Variants in FAAP100 observed in about 807,000 individuals in gnomAD.
The protein encoded by FAAP100 is Fanconi anemia core complex-associated protein 100.
FAAP100 carries 46 observed loss-of-function variants against 65.8 expected under a neutral mutation model. The ratio of observed to expected loss-of-function variants is 0.70; its 90% CI spans 0.55 to 0.89. The LOEUF (loss-of-function observed/expected upper bound fraction) is 0.89. Ranked by LOEUF, FAAP100 falls within the 40% of genes least tolerant of loss-of-function variation. FAAP100 has a pLI of 0.00. For synonymous variants in FAAP100, 663 were observed against 555.1 expected, an observed-to-expected ratio of 1.19 and a Z score of -2.73; for missense variants, 1,165 against 1,196.7, an observed-to-expected ratio of 0.97 and a Z score of 0.39.
intron 4 of FAAP100, among the ~76,000 whole-genome samples, chr17:81,548,843 T>C (rs1156858189): frequency 2.0e-5 from 3 of 151,140 alleles, no homozygotes; most frequent in Non-Finnish European, 4.4e-5. Context: ...ATCAAGACCA[T>C]CTTGGCTAAC....
In FAAP100 at chr17:81,552,148, CCGCGGGCCGG is replaced by C. The variant is rs1030732479; in HGVS notation, c.165+8_165+17del. Reference sequence around the variant, plus strand: ...CGCCCCCGCCCGGTCCCTCCCGCCCCCGCGGGCCGGCGCTCACGGTCAGCAGCCCGCCCTC... The same window carrying C: ...CGCCCCCGCCCGGTCCCTCCCGCCCCCGCTCACGGTCAGCAGCCCGCCCTC... On this transcript the variant is annotated splice_region_variant and intron_variant, in intron 1 of 8. Coordinates refer to ENST00000327787, the MANE Select transcript of FAAP100 (RefSeq NM_025161.6). The C allele has an allele frequency of 6.7e-7, 1 of 1,488,798 alleles. No homozygotes were observed. Among genetic ancestry groups the C allele is most frequent in the African/African-American group, 1.5e-5 (1 of 68,392 alleles). 92.2% of individuals were successfully genotyped at this position (1,488,798 alleles called of 1,614,324 possible). A position where few individuals can be genotyped will look rare whatever the true frequency, so the allele number is the denominator to read the frequency against.
At chr17:81,550,123 A>G (rs2033436365) in intron 3 of FAAP100, 125 bp downstream of exon 3, 2 of 949,434 alleles carry the variant, frequency 2.1e-6, no homozygotes, top group African/African-American at 1.6e-5. Context: ...ACTAGGCTGT[A>G]TCAGCACCCG....
chr17:81,550,879 G>A lies in FAAP100; in HGVS notation c.615C>T (p.Ser205=). The change falls in exon 3 of 9, where the codon TCC becomes TCT. Residue 205 remains serine, a synonymous_variant. Coordinates refer to ENST00000327787, the MANE Select transcript of FAAP100 (RefSeq NM_025161.6). Reference sequence around the variant, plus strand: ...CCCCGAGGAGGTCGTGCGGGACCCTGGAGCCTGATGGTGACACAGAGCACA... The same window carrying A: ...CCCCGAGGAGGTCGTGCGGGACCCTAGAGCCTGATGGTGACACAGAGCACA... ...PVLCSVSPSG[S]RVPHDLLGGS... 1 of 1,612,484 alleles carries A rather than the reference G, an allele frequency of 6.2e-7. No individual in the cohort carries two copies. Among genetic ancestry groups the A allele is most frequent in the South Asian group, 1.1e-5 (1 of 91,028 alleles).
intron 3 of FAAP100, among the ~76,000 whole-genome samples, chr17:81,550,034 C>T (rs973335447): frequency 3.3e-5 from 5 of 152,206 alleles, no homozygotes; most frequent in Admixed American, 2.0e-4. Context: ...CCCAGGGCCA[C>T]ACCCTAGACC....
At chr17:81,552,477 C>G (rs1568102314), upstream of FAAP100, 1 of 722,762 alleles carries the variant, frequency 1.4e-6, no homozygotes. Context: ...GGACGCGCTG[C>G]AGGGACTCCG....
At position 81,540,091 on chromosome 17, in the gene FAAP100, C is replaced by A; in HGVS notation, c.*728G>T. On this transcript the variant is annotated 3_prime_UTR_variant, in exon 9 of 9. Coordinates refer to ENST00000327787, the MANE Select transcript of FAAP100 (RefSeq NM_025161.6). ...CTCAGGGCCCCCCCCCGGGCCACAG[C>A]GCCACCCTGAGTGGCCCTGAAAATA... 2.5e-6 allele frequency: 1 copy of A among 398,508 alleles called. No homozygotes were observed. Among genetic ancestry groups the A allele is most frequent in the Non-Finnish European group, 4.4e-6 (1 of 225,902 alleles). 24.7% of individuals were successfully genotyped at this position (398,508 alleles called of 1,614,324 possible).
chr17:81,547,630 T>C lies in FAAP100; in HGVS notation c.1452A>G (p.Thr484=), dbSNP rs756756477. The C allele has an allele frequency of 3.1e-6, 5 of 1,612,610 alleles. No individual in the cohort carries two copies. The highest frequency in any genetic ancestry group is 1.3e-5 in the African/African-American group (1 of 74,930). ...KAVDQRNKAL[T]SLNEAMNVSC... ...TCACGTTCATGGCCTCGTTGAGGCT[T>C]GTCAGTGCCTTGTTCCGCTGGTCAA... Residue 484 remains threonine, a synonymous_variant, in exon 5 of 9, where the codon ACA becomes ACG. Coordinates refer to ENST00000327787, the MANE Select transcript of FAAP100 (RefSeq NM_025161.6).
At position 81,545,824 on chromosome 17, in the gene FAAP100, G is replaced by A. The variant is rs528938931; in HGVS notation, c.2232C>T (p.Asp744=). 21 of 1,611,646 alleles carry A rather than the reference G, an allele frequency of 1.3e-5. No individual in the cohort carries two copies. The highest frequency in any genetic ancestry group is 6.7e-5 in the East Asian group (3 of 44,874). ...QWLLAENAAV[D]VVRARALSSI... ...AAGATAGTGCTCGGGCCCTCACGAC[G>A]TCCACAGCAGCATTCTCAGCAAGGA... The change falls in exon 6 of 9, where the codon GAC becomes GAT. Residue 744 remains aspartate, a synonymous_variant. Transcript: ENST00000327787.
intron 4 of FAAP100, chr17:81,548,366 T>C (rs935087911): frequency 2.0e-5 from 5 of 253,384 alleles, no homozygotes; most frequent in Non-Finnish European, 3.1e-5. Flanking sequence ...TGGGGGGCAG[T>C]CCCGGCTTAT....
At chr17:81,546,023 C>T in intron 5 of FAAP100, 141 bp from the exon 6 acceptor site, 1 of 1,182,638 alleles carries the variant, frequency 8.5e-7, no homozygotes. Context: ...CCCAGCCCCA[C>T]CCTAAGCTGC....
Position 81,547,656 on chromosome 17 carries a change from C to G in FAAP100, c.1426G>C (p.Val476Leu), listed in dbSNP as rs778911242. The change falls in exon 5 of 9, where the codon GTT (valine) becomes CTT (leucine). Residue 476 changes from valine (V) to leucine (L), a missense_variant. Physicochemically the swap from Val to Leu is conservative, Grantham distance 32. Transcript: ENST00000327787. ...GTCAGTGCCTTGTTCCGCTGGTCAA[C>G]CGCCTTCTTTAGAAAAGACACTCTG... ...SERVSFLKKA[V>L]DQRNKALTSL... 6.2e-7 allele frequency: 1 copy of G among 1,610,718 alleles called. No individual in the cohort carries two copies. Among genetic ancestry groups the G allele is most frequent in the Admixed American group, 1.7e-5 (1 of 59,980 alleles).
At position 81,547,581 on chromosome 17, in the gene FAAP100, T is replaced by G. The variant is rs768673558; in HGVS notation, c.1501A>C (p.Thr501Pro). 5.6e-6 allele frequency: 9 copies of G among 1,613,394 alleles called. No homozygotes were observed. The highest frequency in any genetic ancestry group is 6.8e-6 in the Non-Finnish European group (8 of 1,180,028). Residue 501 changes from threonine (T) to proline (P), a missense_variant, in exon 5 of 9, where the codon ACG (threonine) becomes CCG (proline). Thr to Pro is a conservative substitution (Grantham distance 38). Transcript: ENST00000327787. ...GTGCAGGAGATGGGTCTGGGGCCCG[T>G]GCCGCTTGACAGCAGTGCACAGCTC... ...NVSCALLSSG[T>P]GPRPISCTTS...
At chr17:81,545,448 G>A (rs2033264506) in intron 6 of FAAP100, among the ~76,000 whole-genome samples, 1 of 152,236 alleles carries the variant, frequency 6.6e-6, no homozygotes, top group Non-Finnish European at 1.5e-5. Context: ...GGGTAGAGGT[G>A]TTGGTGGCAG....
rs2033087123 is a variant in FAAP100 at position 81,541,349 on chromosome 17, A to C, written c.2474T>G (p.Leu825Arg). The C allele has an allele frequency of 6.2e-7, 1 of 1,611,762 alleles. No homozygotes were observed. Among genetic ancestry groups the C allele is most frequent in the South Asian group, 1.1e-5 (1 of 90,848 alleles). ...GATCTGGCGGAGGTACTGCACACGG[A>C]GATCAGGAGCGCTGGAGCCCTGGGT... ...QATQGSSAPD[L>R]RVQYLRQIHA... is the part of the protein sequence containing the mutation. Residue 825 changes from leucine to arginine, a missense_variant, in exon 8 of 9, where the codon CTC becomes CGC. Transcript: ENST00000327787.
chr17:81,552,169 C>G lies in FAAP100; in HGVS notation c.162G>C (p.Leu54=). 1 of 1,495,180 alleles carries G rather than the reference C, an allele frequency of 6.7e-7. No individual in the cohort carries two copies. Among genetic ancestry groups the G allele is most frequent in the Non-Finnish European group, 8.9e-7 (1 of 1,129,466 alleles). 92.6% of individuals were successfully genotyped at this position (1,495,180 alleles called of 1,614,324 possible). A position where few individuals can be genotyped will look rare whatever the true frequency, so the allele number is the denominator to read the frequency against. ...VYVYDQEGGL[L]TAAFRFPDQV... ...GCCCCCGCGGGCCGGCGCTCACGGTCAGCAGCCCGCCCTCCTGGTCGTACA... is the reference window on the plus strand; with the variant it reads ...GCCCCCGCGGGCCGGCGCTCACGGTGAGCAGCCCGCCCTCCTGGTCGTACA... The change falls in exon 1 of 9, where the codon CTG becomes CTC. Residue 54 remains leucine (L), a synonymous_variant. Transcript: ENST00000327787.
Position 81,547,212 on chromosome 17 carries a change from G to A in FAAP100, c.1870C>T (p.Leu624=). Residue 624 remains leucine, a synonymous_variant, in exon 5 of 9, where the codon CTG becomes TTG. Transcript: ENST00000327787. ...LAPSDSEDPF[L]DECPSDVLPE... ...AGGACGTCGGAGGGGCACTCATCCAGAAAGGGGTCCTCAGAGTCTGAGGGG... is the reference window on the plus strand; with the variant it reads ...AGGACGTCGGAGGGGCACTCATCCAAAAAGGGGTCCTCAGAGTCTGAGGGG... The A allele has an allele frequency of 1.3e-6, 2 of 1,568,788 alleles. No homozygotes were observed. The highest frequency in any genetic ancestry group is 1.2e-5 in the South Asian group (1 of 83,896).
rs1884928859 is a variant in FAAP100, at chr17:81,552,180, C to T, written c.151G>A (p.Gly51Ser). The change falls in exon 1 of 9, where the codon GGC becomes AGC. Residue 51 changes from glycine to serine, a missense_variant. By Grantham distance (56) the Gly-to-Ser change is moderately conservative. Coordinates refer to ENST00000327787, the MANE Select transcript of FAAP100 (RefSeq NM_025161.6). ...SELVYVYDQEGGLLTAAFRFP... is the reference protein window; with the variant it reads ...SELVYVYDQESGLLTAAFRFP... ...CCGGCGCTCACGGTCAGCAGCCCGCCCTCCTGGTCGTACACGTAGACGAGC... is the reference window on the plus strand; with the variant it reads ...CCGGCGCTCACGGTCAGCAGCCCGCTCTCCTGGTCGTACACGTAGACGAGC... 7 of 1,497,230 alleles carry T rather than the reference C, an allele frequency of 4.7e-6. No homozygotes were observed. The highest frequency in any genetic ancestry group is 2.9e-5 in the East Asian group (1 of 35,080). The allele number at this position is 1,497,230 out of a possible 1,614,324, so 92.7% of individuals were successfully genotyped here.
Position 81,550,619 on chromosome 17 carries a change from G to A in FAAP100, c.875C>T (p.Pro292Leu), listed in dbSNP as rs2033455202. The A allele has an allele frequency of 1.9e-6, 3 of 1,612,880 alleles. No homozygotes were observed. The highest frequency in any genetic ancestry group is 2.5e-6 in the Non-Finnish European group (3 of 1,180,016). Residue 292 changes from proline to leucine, a missense_variant, in exon 3 of 9, where the codon CCA (proline) becomes CTA (leucine). By Grantham distance (98) the Pro-to-Leu change is moderately conservative (BLOSUM62 -3). Coordinates refer to ENST00000327787, the MANE Select transcript of FAAP100 (RefSeq NM_025161.6). ...VIFIGALKTEPQAAEAAENFL... is the reference protein window; with the variant it reads ...VIFIGALKTELQAAEAAENFL... ...ATTCTCTGCAGCTTCTGCAGCCTGT[G>A]GCTCTGTCTTCAAGGCCCCTATGAA...
At chr17:81,542,234 T>A (rs59878921) in intron 7 of FAAP100, among the ~76,000 whole-genome samples, 14,008 of 93,626 alleles carry the variant, frequency 0.15, 1,923 homozygotes, top group African/African-American at 0.38. Context: ...TATATATATA[T>A]GAAATCAGCC....
Sources: allele counts gnomAD v4.1 joint callset (sites outside exome capture counted in the v4.1 genomes callset), GRCh38; gene constraint gnomAD v4.1.1; transcripts MANE v1.5; gene names NCBI Gene and HGNC (gene_info 2026-07-23, HGNC 2026-07-21).